Variants in FHOD3 observed in about 807,000 individuals in gnomAD.
FHOD3 encodes FH1/FH2 domain-containing protein 3.
FHOD3 carries 90 observed loss-of-function variants against 173.0 expected under a neutral mutation model. The observed-to-expected ratio is 0.52, with a 90% confidence interval of 0.44 to 0.62. The LOEUF (loss-of-function observed/expected upper bound fraction) is 0.62. Among genes scored for constraint, FHOD3 ranks in the 20% least tolerant of loss-of-function variants. FHOD3 has a pLI of 0.00. For missense variants in FHOD3, 1,945 were observed against 2,034.7 expected, an observed-to-expected ratio of 0.96 and a Z score of 0.85; for synonymous variants, 828 against 823.0, an observed-to-expected ratio of 1.01 and a Z score of -0.10.
intron 3 of FHOD3, among the ~76,000 whole-genome samples, chr18:36,434,578 ATT>A (rs897317273): frequency 6.6e-6 from 1 of 151,874 alleles, no homozygotes; most frequent in Non-Finnish European, 1.5e-5. Flanking sequence ...CAGATTGTTG[ATT>A]TTTTTTATTT....
chr18:36,524,695 T>C (rs1049267893), intron 5 of FHOD3, among the ~76,000 whole-genome samples: 1 of 152,194 alleles, frequency 6.6e-6, no homozygotes, highest in African/African-American at 2.4e-5. Context: ...ATCTGTCTTT[T>C]CCCAGCTCTT....
intron 3 of FHOD3, among the ~76,000 whole-genome samples, chr18:36,414,320 T>C (rs1003474223): frequency 7.2e-5 from 11 of 152,248 alleles, no homozygotes; most frequent in African/African-American, 2.7e-4. Flanking sequence ...ATAAAAGTCC[T>C]ATTAAAAGTT....
At chr18:36,581,137 GAAAAAAGTGTTTTCAATA>G (rs1282132677) in intron 6 of FHOD3, among the ~76,000 whole-genome samples, 1 of 152,212 alleles carries the variant, frequency 6.6e-6, no homozygotes, top group African/African-American at 2.4e-5. Flanking sequence ...TTAAAAGAAA[GAAAAAAGTGTTTTCAATA>G]AAGTGTTTCT....
intron 14 of FHOD3, among the ~76,000 whole-genome samples, chr18:36,660,692 A>G (rs992014643): frequency 1.3e-5 from 2 of 152,346 alleles, no homozygotes; most frequent in Middle Eastern, 6.8e-3. Flanking sequence ...AGCATGGGGC[A>G]TGGGTGGTCC....
intron 3 of FHOD3, among the ~76,000 whole-genome samples, chr18:36,495,218 C>T (rs868751523): frequency 1.2e-4 from 18 of 152,068 alleles, no homozygotes; most frequent in African/African-American, 4.3e-4. Context: ...TGGGATTACA[C>T]GTGTGAGCCA....
At chr18:36,384,570 CAAA>C (rs57653216) in intron 3 of FHOD3, among the ~76,000 whole-genome samples, 7 of 115,204 alleles carry the variant, frequency 6.1e-5, no homozygotes, top group Non-Finnish European at 7.6e-5. Context: ...AACTGCATCT[CAAA>C]AAAAAAAAAA....
At chr18:36,431,981 A>G (rs1055337551) in intron 3 of FHOD3, among the ~76,000 whole-genome samples, 1 of 152,256 alleles carries the variant, frequency 6.6e-6, no homozygotes, top group Non-Finnish European at 1.5e-5. Flanking sequence ...ATTCCATCAC[A>G]TAGATATAAA....
intron 5 of FHOD3, among the ~76,000 whole-genome samples, chr18:36,567,368 A>G (rs1288984325): frequency 6.6e-6 from 1 of 152,140 alleles, no homozygotes; most frequent in Non-Finnish European, 1.5e-5. Flanking sequence ...CAGAATTGCA[A>G]ATGGACCCTG....
intron 2 of FHOD3, among the ~76,000 whole-genome samples, chr18:36,357,863 G>C (rs1319952587): frequency 6.6e-6 from 1 of 152,000 alleles, no homozygotes; most frequent in Non-Finnish European, 1.5e-5. Context: ...CCTCGTTTTT[G>C]TTTTCTTCTT....
chr18:36,393,320 G>T (rs1253944426), intron 3 of FHOD3, among the ~76,000 whole-genome samples: 2 of 152,028 alleles, frequency 1.3e-5, no homozygotes, highest in African/African-American at 2.4e-5. Flanking sequence ...TCCTTGTATT[G>T]TTCTCTCCAA....
In FHOD3 at chr18:36,576,461, G is replaced by C. The variant is rs1292450166; in HGVS notation, c.522G>C (p.Gln174His). 1 of 1,613,122 alleles carries C rather than the reference G, an allele frequency of 6.2e-7. No homozygotes were observed. Among genetic ancestry groups the C allele is most frequent in the Non-Finnish European group, 8.5e-7 (1 of 1,179,586 alleles). The change falls in exon 6 of 29, where the codon CAG (glutamine) becomes CAC (histidine). Residue 174 changes from glutamine to histidine, a missense_variant. Coordinates refer to ENST00000590592, the MANE Select transcript of FHOD3 (RefSeq NM_001281740.3). The stretch of plus-strand genomic sequence containing the variant: ...TCTTGTTTTCTGTAGCTTTGGGCCA[G>C]ATTATGTTGTATGTGGATGGAATGA... ...YQNYILRALG[Q>H]IMLYVDGMNG...
intron 9 of FHOD3, among the ~76,000 whole-genome samples, chr18:36,618,529 C>G (rs2148705880): frequency 6.6e-6 from 1 of 152,192 alleles, no homozygotes; most frequent in African/African-American, 2.4e-5. Flanking sequence ...TTGGGCTGGT[C>G]TGGAACTCCC....
chr18:36,531,146 G>T (rs1340996829), intron 5 of FHOD3, among the ~76,000 whole-genome samples: 2 of 152,154 alleles, frequency 1.3e-5, no homozygotes, highest in Non-Finnish European at 2.9e-5. Context: ...TGACTTGCTG[G>T]TGGTTTTGTG....
intron 3 of FHOD3, among the ~76,000 whole-genome samples, chr18:36,451,542 G>T (rs1261206315): frequency 6.6e-6 from 1 of 152,212 alleles, no homozygotes; most frequent in African/African-American, 2.4e-5. Flanking sequence ...GCCTCTGCCT[G>T]GGTGTGGCCC....
At chr18:36,583,822 TTATTAC>T (rs1184757402) in intron 6 of FHOD3, among the ~76,000 whole-genome samples, 4 of 151,136 alleles carry the variant, frequency 2.6e-5, no homozygotes, top group African/African-American at 9.7e-5. Flanking sequence ...ATTATTATTA[TTATTAC>T]TATTATTATT....
chr18:36,307,381 ATGGAAATAGGG>A (rs1050055245), intron 1 of FHOD3, among the ~76,000 whole-genome samples: 6 of 152,102 alleles, frequency 3.9e-5, no homozygotes, highest in Non-Finnish European at 7.4e-5. Flanking sequence ...GCCCAAGAGG[ATGGAAATAGGG>A]TGGATAAGCC....
chr18:36,589,641 C>T (rs115099915), intron 6 of FHOD3, among the ~76,000 whole-genome samples: 1,741 of 152,274 alleles, frequency 0.011, 28 homozygotes, highest in African/African-American at 0.039. Context: ...TGGGGTCAGC[C>T]AGTCCACCCT....
intron 1 of FHOD3, among the ~76,000 whole-genome samples, chr18:36,330,405 A>G (rs1327181444): frequency 6.6e-6 from 1 of 152,222 alleles, no homozygotes; most frequent in East Asian, 1.9e-4. Context: ...CTTATTGTGC[A>G]TTGCCTGAGG....
rs1209269522 is a variant in FHOD3 at position 36,738,585 on chromosome 18, A to T, written c.3577-2071A>T. On this transcript the variant is annotated intron_variant, in intron 20 of 28. Coordinates refer to ENST00000590592, the MANE Select transcript of FHOD3 (RefSeq NM_001281740.3). ...TCATAGTATTCCATTTTACTTTTAG[A>T]TCTGTGATCCATTTTGAGTTTGTTT... is the stretch of plus-strand genomic sequence containing the variant. Among the ~76,000 whole-genome samples the T allele has an allele frequency of 5.3e-5, 8 of 152,312 alleles. No individual in the cohort carries two copies. The East Asian group carries it at 1.5e-3, about 29-fold the overall frequency.
Sources: gnomAD v4.1 joint callset for allele counts (sites outside exome capture counted in the v4.1 genomes callset) on GRCh38, gnomAD v4.1.1 for gene constraint, MANE v1.5 for transcripts, NCBI Gene and HGNC (gene_info 2026-07-23, HGNC 2026-07-21) for gene names.